The following MYO7A variants were observed in gnomAD, a reference collection of about 807,000 sequenced individuals.
MYO7A encodes myosin VIIA.
In MYO7A, 210 loss-of-function variants were observed where a neutral mutation model predicts 263.8. That is an observed-to-expected ratio of 0.80 (90% CI 0.71 to 0.89). The LOEUF (loss-of-function observed/expected upper bound fraction) is 0.89, where lower values mean the gene tolerates loss of function less well. MYO7A is among the 40% of genes least tolerant of loss of function. MYO7A has a pLI of 0.00. For missense variants in MYO7A, 2,820 were observed against 2,968.3 expected, an observed-to-expected ratio of 0.95 and a Z score of 1.16; for synonymous variants, 1,239 against 1,197.3, an observed-to-expected ratio of 1.03 and a Z score of -0.72.
chr11:77,165,634 C>T (rs1252143398), intron 14 of MYO7A, among the ~76,000 whole-genome samples: 4 of 152,234 alleles, frequency 2.6e-5, no homozygotes, highest in Non-Finnish European at 4.4e-5. Context: ...ACATAACACA[C>T]TGTCCAACCA....
In MYO7A at chr11:77,207,286, C is replaced by T; in HGVS notation, c.5743-3C>T. On this transcript the variant is annotated splice_polypyrimidine_tract_variant and splice_region_variant and intron_variant, in intron 41 of 48. Transcript: ENST00000409709. ...GGAGCCCAGTGCTCACTGCCCCTCC[C>T]AGGCCTTCGAAGTGGAGTCCAGCAC... The T allele has an allele frequency of 8.7e-6, 14 of 1,605,398 alleles. No homozygotes were observed. Among genetic ancestry groups the T allele is most frequent in the Non-Finnish European group, 1.2e-5 (14 of 1,175,504 alleles).
In MYO7A at chr11:77,152,913, G is replaced by A. The variant is rs144727605; in HGVS notation, c.286-2994G>A. Among the ~76,000 whole-genome samples the A allele has an allele frequency of 1.5e-3, 232 of 152,244 alleles. 6 individuals carry two copies. The East Asian group carries it at 0.036, about 24-fold the overall frequency. On this transcript the variant is annotated intron_variant, in intron 4 of 48. Coordinates refer to ENST00000409709, the MANE Select transcript of MYO7A (RefSeq NM_000260.4). ...TCCCTGGTCTGAGATGGCAGGGGAT[G>A]GAGTGTGGTGCTTTTAACTGAAAGT...
chr11:77,136,462 C>T (rs564783785), intron 2 of MYO7A, among the ~76,000 whole-genome samples: 1 of 152,256 alleles, frequency 6.6e-6, no homozygotes, highest in South Asian at 2.1e-4. Flanking sequence ...AGCCACCAGC[C>T]GCCAGACTTA....
At chr11:77,206,241 C>G (rs896449568) in intron 41 of MYO7A, 39 bp downstream of exon 41, 1 of 1,501,968 alleles carries the variant, frequency 6.7e-7, no homozygotes, top group African/African-American at 1.4e-5. Flanking sequence ...GTGCCCAGGA[C>G]AGGGCCGGGC....
intron 4 of MYO7A, 70 bp from the exon 5 acceptor site, chr11:77,155,837 C>G: frequency 6.8e-7 from 1 of 1,466,888 alleles, no homozygotes; most frequent in Non-Finnish European, 9.1e-7. Context: ...CAGGGCAGAG[C>G]CCAAGAGCTT....
intron 47 of MYO7A, 145 bp downstream of exon 47, chr11:77,213,180 G>A (rs961738974): frequency 1.9e-5 from 13 of 683,904 alleles, no homozygotes; most frequent in South Asian, 8.0e-5. Flanking sequence ...AGCTGTCAGC[G>A]TTTGCTAGGA....
At chr11:77,199,903 G>A in intron 35 of MYO7A, 85 bp downstream of exon 35, 1 of 1,287,950 alleles carries the variant, frequency 7.8e-7, no homozygotes, top group Non-Finnish European at 1.0e-6. Context: ...TTGCTATAAT[G>A]GAACACTGGA....
intron 4 of MYO7A, among the ~76,000 whole-genome samples, chr11:77,152,974 G>A (rs782742806): frequency 1.3e-5 from 2 of 152,206 alleles, no homozygotes; most frequent in Non-Finnish European, 2.9e-5. Context: ...GTGAGTTGAG[G>A]TTGACGAGGG....
In MYO7A at chr11:77,162,838, C is replaced by T. The variant is rs782573211; in HGVS notation, c.1555-15C>T. On this transcript the variant is annotated splice_polypyrimidine_tract_variant and intron_variant, in intron 13 of 48. Coordinates refer to ENST00000409709, the MANE Select transcript of MYO7A (RefSeq NM_000260.4). The stretch of plus-strand genomic sequence containing the variant: ...GAGGAGAGGGTGGGCTCACAGCTGC[C>T]CCTCCACTCCCCAGGGCACAGACAC... The T allele has an allele frequency of 3.7e-6, 6 of 1,607,786 alleles. No homozygotes were observed. The highest frequency in any genetic ancestry group is 5.1e-6 in the Non-Finnish European group (6 of 1,175,806).
At chr11:77,167,321 C>T (rs1360444971) in intron 15 of MYO7A, among the ~76,000 whole-genome samples, 3 of 152,136 alleles carry the variant, frequency 2.0e-5, no homozygotes, top group Admixed American at 6.5e-5. Flanking sequence ...CGTCAATCCC[C>T]GGTCCTTCCA....
intron 44 of MYO7A, 98 bp downstream of exon 44, chr11:77,208,901 C>T: frequency 1.0e-6 from 1 of 960,622 alleles, no homozygotes. Context: ...AGGTGTGGGG[C>T]CCGTACCAGC....
At chr11:77,154,760 C>T (rs1555060087) in intron 4 of MYO7A, among the ~76,000 whole-genome samples, 1 of 152,026 alleles carries the variant, frequency 6.6e-6, no homozygotes, top group Non-Finnish European at 1.5e-5. Context: ...CTTCCTGGGC[C>T]CAGGGGCCCA....
intron 2 of MYO7A, among the ~76,000 whole-genome samples, chr11:77,132,855 AG>A (rs1277255443): frequency 1.3e-5 from 2 of 152,218 alleles, no homozygotes; most frequent in Non-Finnish European, 2.9e-5. Context: ...AATGTGCCCA[AG>A]GCCCTCTTAC....
At position 77,182,082 on chromosome 11, in the gene MYO7A, A is replaced by G. The variant is rs111033251; in HGVS notation, c.3036A>G (p.Thr1012=). ...TCGCGGCCACCTACTTCCAGGGGACAACCACGCACTCCTACACCCGGCGGC... is the reference window on the plus strand; with the variant it reads ...TCGCGGCCACCTACTTCCAGGGGACGACCACGCACTCCTACACCCGGCGGC... ...AKFAATYFQG[T]TTHSYTRRPL... Residue 1012 remains threonine, a synonymous_variant, in exon 24 of 49, where the codon ACA becomes ACG. Transcript: ENST00000409709. 6.2e-7 allele frequency: 1 copy of G among 1,613,308 alleles called. No homozygotes were observed. Among genetic ancestry groups the G allele is most frequent in the Admixed American group, 1.7e-5 (1 of 60,014 alleles).
chr11:77,161,189 G>A, intron 12 of MYO7A, 74 bp downstream of exon 12: 1 of 1,578,510 alleles, frequency 6.3e-7, no homozygotes, highest in Non-Finnish European at 8.7e-7. Flanking sequence ...TCTCTCCCTT[G>A]CGAAGCACAT....
intron 14 of MYO7A, among the ~76,000 whole-genome samples, chr11:77,164,726 T>C (rs1953373999): frequency 6.6e-6 from 1 of 152,252 alleles, no homozygotes; most frequent in African/African-American, 2.4e-5. Flanking sequence ...TGTACCAGGC[T>C]TCATGACGTT....
chr11:77,201,357 C>T (rs1038709601), intron 35 of MYO7A, 91 bp from the exon 36 acceptor site: 27 of 1,304,108 alleles, frequency 2.1e-5, no homozygotes, highest in Admixed American at 8.1e-5. Flanking sequence ...AGTGGGCAGA[C>T]ATGAGTGATA....
intron 35 of MYO7A, 65 bp downstream of exon 35, chr11:77,199,883 T>C (rs1956943157): frequency 7.1e-7 from 1 of 1,416,988 alleles, no homozygotes; most frequent in African/African-American, 1.4e-5. Flanking sequence ...ACTGTCTTAG[T>C]CCATTTGTGT....
chr11:77,158,756 A>G (rs1012081635), intron 9 of MYO7A, among the ~76,000 whole-genome samples: 3 of 152,176 alleles, frequency 2.0e-5, no homozygotes, highest in African/African-American at 7.2e-5. Context: ...TAAATCTTTG[A>G]ACTAATTCAC....
Sources: allele counts gnomAD v4.1 joint callset (sites outside exome capture counted in the v4.1 genomes callset), GRCh38; gene constraint gnomAD v4.1.1; transcripts MANE v1.5; gene names NCBI Gene and HGNC (gene_info 2026-07-23, HGNC 2026-07-21).